The following ZNF17 variants were observed in gnomAD, a reference collection of about 807,000 sequenced individuals.
The protein encoded by ZNF17 is zinc finger protein 17 (HPF3, KOX 10).
Under a neutral mutation model 7.7 loss-of-function variants are expected in ZNF17, and 4 were observed. That is an observed-to-expected ratio of 0.52 (90% confidence interval 0.26 to 1.20). The LOEUF is 1.20. Ranked by LOEUF, ZNF17 falls within the 50% of genes most tolerant of loss-of-function variation. ZNF17 has a pLI of 0.14. For missense variants in ZNF17, 738 were observed against 799.5 expected, an observed-to-expected ratio of 0.92 and a Z score of 0.93; for synonymous variants, 249 against 258.8, an observed-to-expected ratio of 0.96 and a Z score of 0.36.
In ZNF17 at chr19:57,420,615, A is replaced by G. The variant is rs1377402336; in HGVS notation, c.1129A>G (p.Ile377Val). 6 of 1,614,196 alleles carry G rather than the reference A, an allele frequency of 3.7e-6. No homozygotes were observed. The highest frequency in any genetic ancestry group is 5.1e-6 in the Non-Finnish European group (6 of 1,180,030). ...KFFMDSCTLI[I>V]HQRVHTGEKP... ...CTTTATGGACAGCTGCACACTCATT[A>G]TTCACCAGAGAGTTCATACTGGAGA... The change falls in exon 4 of 4, where the codon ATT becomes GTT. Residue 377 changes from isoleucine (I) to valine (V), a missense_variant. Coordinates refer to ENST00000307658, the MANE Select transcript of ZNF17 (RefSeq NM_001330617.2).
At position 57,421,098 on chromosome 19, in the gene ZNF17, A is replaced by T. The variant is rs1384590794; in HGVS notation, c.1612A>T (p.Arg538Trp). ...GTGTAGTGAATGTGGGAAATTCTTTAGGCACAACTCAAATCATATTAGACA... is the reference window on the plus strand; with the variant it reads ...GTGTAGTGAATGTGGGAAATTCTTTTGGCACAACTCAAATCATATTAGACA... ...YECSECGKFF[R>W]HNSNHIRHRR... Residue 538 changes from arginine (R) to tryptophan (W), a missense_variant, in exon 4 of 4, where the codon AGG (arginine) becomes TGG (tryptophan). Transcript: ENST00000307658. The T allele has an allele frequency of 3.1e-6, 5 of 1,613,984 alleles. No individual in the cohort carries two copies. In the African/African-American group the frequency reaches 5.3e-5, roughly 17 times the overall value.
rs2088852776 is a variant in ZNF17, at chr19:57,421,619, G to T, written c.*138G>T. ...AATCTAACATCTTAACCATGTTAAA[G>T]TGTATAGTTCAGTACTGTTAAGTCA... On this transcript the variant is annotated 3_prime_UTR_variant, in exon 4 of 4. Transcript: ENST00000307658. 14 of 1,040,058 alleles carry T rather than the reference G, an allele frequency of 1.3e-5. No individual in the cohort carries two copies. The highest frequency in any genetic ancestry group is 1.9e-5 in the Non-Finnish European group (14 of 730,920). 64.4% of individuals were successfully genotyped at this position (1,040,058 alleles called of 1,614,324 possible).
chr19:57,417,856 A>G, intron 2 of ZNF17, 56 bp from the exon 3 acceptor site: 1 of 1,587,122 alleles, frequency 6.3e-7, no homozygotes, highest in Non-Finnish European at 8.5e-7. Context: ...AAAAAAAAAA[A>G]AAAAAAGAAA....
chr19:57,411,483 C>G, intron 1 of ZNF17, 77 bp downstream of exon 1: 3 of 1,569,386 alleles, frequency 1.9e-6, no homozygotes, highest in Non-Finnish European at 1.7e-6. Flanking sequence ...CCCTGCAGGT[C>G]AGGCCCCTGT....
In ZNF17 at chr19:57,411,608, C is replaced by T. The variant is rs1045710182; in HGVS notation, c.-21+202C>T. 19 of 1,391,702 alleles carry T rather than the reference C, an allele frequency of 1.4e-5. No homozygotes were observed. The African/African-American group carries it at 2.0e-4, about 15-fold the overall frequency. 86.2% of individuals were successfully genotyped at this position (1,391,702 alleles called of 1,614,324 possible). A position where few individuals can be genotyped will look rare whatever the true frequency, so the allele number is the denominator to read the frequency against. ...AGGCTTAGAGGTGCTGCAGAGCGGGCGGCACTGGGGAGCCCGAGCGTCTTT... is the reference window on the plus strand; with the variant it reads ...AGGCTTAGAGGTGCTGCAGAGCGGGTGGCACTGGGGAGCCCGAGCGTCTTT... On this transcript the variant is annotated intron_variant, in intron 1 of 3. Transcript: ENST00000307658.
chr19:57,419,531 C>G (rs1055828601), intron 3 of ZNF17, 104 bp from the exon 4 acceptor site: 1 of 1,281,074 alleles, frequency 7.8e-7, no homozygotes, highest in Non-Finnish European at 1.1e-6. Flanking sequence ...ATGCCTGTCA[C>G]CAATCCCATG....
chr19:57,421,333 A>G lies in ZNF17; in HGVS notation c.1847A>G (p.Glu616Gly). 6.2e-7 allele frequency: 1 copy of G among 1,614,188 alleles called. No individual in the cohort carries two copies. The highest frequency in any genetic ancestry group is 8.5e-7 in the Non-Finnish European group (1 of 1,180,030). Residue 616 changes from glutamate (E) to glycine (G), a missense_variant, in exon 4 of 4, where the codon GAA becomes GGA. Transcript: ENST00000307658. ...HTGEKPYECS[E>G]CGKVFRYNSS... The stretch of plus-strand genomic sequence containing the variant: ...GGAGAAAAGCCTTATGAGTGCAGTG[A>G]ATGTGGGAAAGTCTTTAGATACAAC...
In ZNF17 at chr19:57,419,710, CTT is replaced by C. The variant is rs780071544; in HGVS notation, c.226_227del (p.Leu76LysfsTer13). 10 of 1,614,098 alleles carry C rather than the reference CTT, an allele frequency of 6.2e-6. No homozygotes were observed. Among genetic ancestry groups the C allele is most frequent in the African/African-American group, 1.3e-5 (1 of 74,936 alleles). On this transcript the variant is annotated frameshift_variant, in exon 4 of 4. Transcript: ENST00000307658. LOFTEE classifies it low-confidence loss of function (END_TRUNC). The stretch of plus-strand genomic sequence containing the variant: ...TCTGTAGGAGTGTCACAGGTCACAA[CTT>C]TAAAGCCAGCTTTGTCCACCCAGAA...
rs967609563 is a variant in ZNF17 at position 57,421,163 on chromosome 19, T to C, written c.1677T>C (p.Thr559=). ...TTGGAGAAAGGTCTTTTGAGTGCAC[T>C]GAGTGTGGGAGAGTTTTTAGCCAAA... ...NHFGERSFEC[T]ECGRVFSQNS... Residue 559 remains threonine (T), a synonymous_variant, in exon 4 of 4, where the codon ACT becomes ACC. Coordinates refer to ENST00000307658, the MANE Select transcript of ZNF17 (RefSeq NM_001330617.2). The C allele has an allele frequency of 9.3e-6, 15 of 1,614,152 alleles. No individual in the cohort carries two copies. Among genetic ancestry groups the C allele is most frequent in the Non-Finnish European group, 1.2e-5 (14 of 1,179,982 alleles).
Position 57,420,701 on chromosome 19 carries a change from A to G in ZNF17, c.1215A>G (p.Arg405=). The G allele has an allele frequency of 6.2e-7, 1 of 1,614,028 alleles. No individual in the cohort carries two copies. The highest frequency in any genetic ancestry group is 8.5e-7 in the Non-Finnish European group (1 of 1,179,986). Residue 405 remains arginine (R), a synonymous_variant, in exon 4 of 4, where the codon AGA becomes AGG. Coordinates refer to ENST00000307658, the MANE Select transcript of ZNF17 (RefSeq NM_001330617.2). ...KFFRYRSTLI[R]HQKVHTGEKP... Reference sequence around the variant, plus strand: ...TTAGATACCGTTCCACACTCATTAGACATCAGAAAGTTCACACTGGAGAAA... The same window carrying G: ...TTAGATACCGTTCCACACTCATTAGGCATCAGAAAGTTCACACTGGAGAAA...
Position 57,421,195 on chromosome 19 carries a change from A to G in ZNF17, c.1709A>G (p.His570Arg), listed in dbSNP as rs199728574. Residue 570 changes from histidine (H) to arginine (R), a missense_variant, in exon 4 of 4, where the codon CAC becomes CGC. His to Arg is a conservative substitution (Grantham distance 29). This residue lies in a region of ZNF17 where 116 missense variants were observed against 114.0 expected (regional missense o/e 1.02). Coordinates refer to ENST00000307658, the MANE Select transcript of ZNF17 (RefSeq NM_001330617.2). ...GGGAGAGTTTTTAGCCAAAATTCCCACCTCATTCGGCACCAAAAAGTTCAC... is the reference window on the plus strand; with the variant it reads ...GGGAGAGTTTTTAGCCAAAATTCCCGCCTCATTCGGCACCAAAAAGTTCAC... ...ECGRVFSQNS[H>R]LIRHQKVHTR... 2.5e-5 allele frequency: 41 copies of G among 1,613,940 alleles called. No homozygotes were observed. The highest frequency in any genetic ancestry group is 3.2e-5 in the Non-Finnish European group (38 of 1,179,998).
Position 57,420,294 on chromosome 19 carries a change from C to T in ZNF17, c.808C>T (p.His270Tyr), listed in dbSNP as rs1280547268. Reference sequence around the variant, plus strand: ...CAATGTTGTTCAACACCAGAAAATTCACACTGGAGAAAGGCCTTATGAGTG... The same window carrying T: ...CAATGTTGTTCAACACCAGAAAATTTACACTGGAGAAAGGCCTTATGAGTG... The part of the protein sequence containing the change: ...KYNVVQHQKI[H>Y]TGERPYECSE... Residue 270 changes from histidine (H) to tyrosine (Y), a missense_variant, in exon 4 of 4, where the codon CAC becomes TAC. Transcript: ENST00000307658. 6.2e-7 allele frequency: 1 copy of T among 1,614,182 alleles called. No individual in the cohort carries two copies. Among genetic ancestry groups the T allele is most frequent in the Non-Finnish European group, 8.5e-7 (1 of 1,179,998 alleles).
At position 57,420,429 on chromosome 19, in the gene ZNF17, A is replaced by T; in HGVS notation, c.943A>T (p.Thr315Ser). 6.2e-7 allele frequency: 1 copy of T among 1,613,872 alleles called. No individual in the cohort carries two copies. Among genetic ancestry groups the T allele is most frequent in the Non-Finnish European group, 8.5e-7 (1 of 1,179,956 alleles). ...VCSECGKAFL[T>S]QAHLVGHQKI... ...TAGTGAATGTGGGAAGGCCTTCCTTACACAGGCTCACCTTGTTGGTCACCA... is the reference window on the plus strand; with the variant it reads ...TAGTGAATGTGGGAAGGCCTTCCTTTCACAGGCTCACCTTGTTGGTCACCA... The change falls in exon 4 of 4, where the codon ACA (threonine) becomes TCA (serine). Residue 315 changes from threonine (T) to serine (S), a missense_variant. Coordinates refer to ENST00000307658, the MANE Select transcript of ZNF17 (RefSeq NM_001330617.2).
At chr19:57,419,594 C>G in intron 3 of ZNF17, 41 bp from the exon 4 acceptor site, 1 of 1,569,914 alleles carries the variant, frequency 6.4e-7, no homozygotes, top group South Asian at 1.2e-5. Flanking sequence ...TGCCTCTTCC[C>G]TCCAAAGTCA....
chr19:57,421,527 C>A lies in ZNF17; in HGVS notation c.*46C>A. 6.5e-7 allele frequency: 1 copy of A among 1,533,702 alleles called. No individual in the cohort carries two copies. The highest frequency in any genetic ancestry group is 1.4e-5 in the African/African-American group (1 of 72,254). On this transcript the variant is annotated 3_prime_UTR_variant, in exon 4 of 4. Coordinates refer to ENST00000307658, the MANE Select transcript of ZNF17 (RefSeq NM_001330617.2). ...ATGGGGAAAGACTTCACACAGAAAT[C>A]TACTCTGATTTAGCACTGGGACCTA... is the stretch of plus-strand genomic sequence containing the variant.
rs775492901 is a variant in ZNF17 at position 57,421,425 on chromosome 19, A to C, written c.1939A>C (p.Arg647=). 2 of 1,613,686 alleles carry C rather than the reference A, an allele frequency of 1.2e-6. No individual in the cohort carries two copies. The highest frequency in any genetic ancestry group is 1.7e-6 in the Non-Finnish European group (2 of 1,179,808). Reference sequence around the variant, plus strand: ...ACCTTATCAGTGCAGTGAATGTGGAAGAGTCTTTAACCAAAATTCTCATCT... The same window carrying C: ...ACCTTATCAGTGCAGTGAATGTGGACGAGTCTTTAACCAAAATTCTCATCT... The part of the protein sequence containing the change: ...ERPYQCSECG[R]VFNQNSHLIQ... The change falls in exon 4 of 4, where the codon AGA becomes CGA. Residue 647 remains arginine (R), a synonymous_variant. Coordinates refer to ENST00000307658, the MANE Select transcript of ZNF17 (RefSeq NM_001330617.2).
At chr19:57,412,286 G>A (rs73936931) in intron 1 of ZNF17, among the ~76,000 whole-genome samples, 2,168 of 152,188 alleles carry the variant, frequency 0.014, 58 homozygotes, top group African/African-American at 0.048. Flanking sequence ...GGGGACATTG[G>A]GTCCAGACGG....
chr19:57,420,956 T>C lies in ZNF17; in HGVS notation c.1470T>C (p.His490=), dbSNP rs1265373494. The C allele has an allele frequency of 6.2e-6, 10 of 1,614,078 alleles. 1 individual carries two copies. Among genetic ancestry groups the C allele is most frequent in the Middle Eastern group, 3.3e-4 (2 of 6,062 alleles). The change falls in exon 4 of 4, where the codon CAT becomes CAC. Residue 490 remains histidine, a synonymous_variant. Coordinates refer to ENST00000307658, the MANE Select transcript of ZNF17 (RefSeq NM_001330617.2). ...TGGACAGCTGTACACTGAAGAGTCA[T>C]CAGAGAGTTCACACTGGAGAAAGAC... ...FFVDSCTLKS[H]QRVHTGERPF...
intron 1 of ZNF17, among the ~76,000 whole-genome samples, chr19:57,412,293 A>G (rs1371311244): frequency 3.3e-5 from 5 of 152,112 alleles, no homozygotes. Context: ...TTGGGTCCAG[A>G]CGGGGGTAGG....
Sources: allele counts gnomAD v4.1 joint callset (sites outside exome capture counted in the v4.1 genomes callset), GRCh38; gene constraint gnomAD v4.1.1; regional missense constraint gnomAD v4.1.1; transcripts MANE v1.5; gene names NCBI Gene and HGNC (gene_info 2026-07-23, HGNC 2026-07-21).